The following C20orf203 variants were observed in gnomAD, a reference collection of about 807,000 sequenced individuals.
C20orf203 encodes the protein chromosome 20 open reading frame 203, also known as uncharacterized protein C20orf203.
C20orf203 carries 16 observed loss-of-function variants against 15.9 expected under a neutral mutation model. The observed-to-expected ratio is 1.01, with a 90% CI of 0.68 to 1.53. The LOEUF is 1.53. Ranked by LOEUF, C20orf203 falls within the 40% of genes most tolerant of loss-of-function variation. The pLI is 0.00. For synonymous variants in C20orf203, 98 were observed against 97.2 expected, an observed-to-expected ratio of 1.01 and a Z score of -0.05; for missense variants, 263 against 247.5, an observed-to-expected ratio of 1.06 and a Z score of -0.42.
At chr20:32,641,404 C>T (rs1424585425) in intron 4 of C20orf203, among the ~76,000 whole-genome samples, 1 of 150,550 alleles carries the variant, frequency 6.6e-6, no homozygotes, top group African/African-American at 2.4e-5. Flanking sequence ...CACGTTTTGG[C>T]TGTTAGGAAT....
intron 1 of C20orf203, among the ~76,000 whole-genome samples, 183 bp from the exon 2 acceptor site, chr20:32,652,164 C>G (rs1422857285): frequency 1.3e-5 from 2 of 151,794 alleles, no homozygotes; most frequent in African/African-American, 4.8e-5. Flanking sequence ...CAAAAATTAG[C>G]TGGGTGTGGT....
chr20:32,641,961 T>G (rs1982293088), intron 4 of C20orf203, among the ~76,000 whole-genome samples: 1 of 152,102 alleles, frequency 6.6e-6, no homozygotes. Context: ...CCTCAGCCTC[T>G]TGAGTAGTTG....
In C20orf203 at chr20:32,643,570, G is replaced by A. The variant is rs376126347; in HGVS notation, c.*1178-2883C>T. 8.7e-5 allele frequency among the ~76,000 whole-genome samples: 13 copies of A among 150,186 alleles called. No individual in the cohort carries two copies. In the East Asian group the frequency reaches 1.2e-3, roughly 14 times the overall value. On this transcript the variant is annotated intron_variant, in intron 4 of 5. Transcript: ENST00000608990. ...GGGATGCTCTAGGAAAATAAAAAAGGGCACCATTGTCACATAGGCCTGGGT... is the reference window on the plus strand; with the variant it reads ...GGGATGCTCTAGGAAAATAAAAAAGAGCACCATTGTCACATAGGCCTGGGT...
At chr20:32,634,388 T>C (rs1256656986) in intron 5 of C20orf203, 118 bp from the exon 6 acceptor site, 1 of 395,180 alleles carries the variant, frequency 2.5e-6, no homozygotes, top group Admixed American at 4.4e-5. Context: ...TGCACGTTGT[T>C]CCTTACAGCT....
chr20:32,638,014 T>TTGTG (rs149169520), intron 5 of C20orf203, among the ~76,000 whole-genome samples: 11 of 149,988 alleles, frequency 7.3e-5, no homozygotes, highest in Admixed American at 6.0e-4. Context: ...GCATGTGTGC[T>TTGTG]TGTGTGTGTG....
At chr20:32,641,217 C>T (rs1268859373) in intron 4 of C20orf203, among the ~76,000 whole-genome samples, 2 of 151,486 alleles carry the variant, frequency 1.3e-5, no homozygotes, top group Non-Finnish European at 2.9e-5. Context: ...AGCCTTTAGT[C>T]CCAGCTACTA....
At chr20:32,652,677 A>T (rs905593420) in intron 1 of C20orf203, among the ~76,000 whole-genome samples, 2 of 151,984 alleles carry the variant, frequency 1.3e-5, no homozygotes, top group Non-Finnish European at 2.9e-5. Flanking sequence ...GCATGAATAC[A>T]TTCACGTCCA....
intron 1 of C20orf203, chr20:32,656,806 G>A (rs1240256845): frequency 2.7e-5 from 4 of 146,424 alleles, no homozygotes; most frequent in African/African-American, 1.0e-4. Flanking sequence ...AGAGGTTGCA[G>A]TGAGCCAAGA....
intron 1 of C20orf203, among the ~76,000 whole-genome samples, chr20:32,667,804 G>A (rs754632169): frequency 3.9e-5 from 6 of 152,052 alleles, no homozygotes; most frequent in East Asian, 1.9e-4. Context: ...TTGAGTAGCC[G>A]GGACTACAGG....
chr20:32,667,256 C>T (rs1266841000), intron 1 of C20orf203, among the ~76,000 whole-genome samples: 2 of 152,126 alleles, frequency 1.3e-5, no homozygotes, highest in South Asian at 4.1e-4. Flanking sequence ...GGGCTTTAAG[C>T]AGGGGCATCA....
At chr20:32,634,294 C>T in intron 5 of C20orf203, 24 bp from the exon 6 acceptor site, 1 of 398,358 alleles carries the variant, frequency 2.5e-6, no homozygotes, top group African/African-American at 2.1e-5. Flanking sequence ...AAAGAATTAG[C>T]AAGACAGGCA....
At chr20:32,641,920 C>T (rs973383229) in intron 4 of C20orf203, among the ~76,000 whole-genome samples, 1 of 152,166 alleles carries the variant, frequency 6.6e-6, no homozygotes, top group Non-Finnish European at 1.5e-5. Context: ...TCAGTGCAAC[C>T]TCCACCTCCC....
intron 4 of C20orf203, among the ~76,000 whole-genome samples, chr20:32,646,223 T>C (rs1982428753): frequency 6.6e-6 from 1 of 151,264 alleles, no homozygotes; most frequent in Admixed American, 6.6e-5. Flanking sequence ...TCGATCTTTT[T>C]GTTGAGACAG....
chr20:32,637,530 C>T (rs780144823), intron 5 of C20orf203, among the ~76,000 whole-genome samples: 1 of 152,192 alleles, frequency 6.6e-6, no homozygotes, highest in Non-Finnish European at 1.5e-5. Flanking sequence ...TCCCTGACTG[C>T]CATCTCAGAT....
At chr20:32,646,053 G>A (rs1982418029) in intron 4 of C20orf203, among the ~76,000 whole-genome samples, 1 of 152,104 alleles carries the variant, frequency 6.6e-6, no homozygotes, top group Non-Finnish European at 1.5e-5. Flanking sequence ...AAGTTGTGTG[G>A]CCTTGGGTGA....
intron 2 of C20orf203, among the ~76,000 whole-genome samples, chr20:32,651,389 A>G (rs1053697642): frequency 1.2e-4 from 19 of 152,058 alleles, no homozygotes; most frequent in African/African-American, 4.1e-4. Context: ...GGAGCAAATG[A>G]TCTCTGAGCC....
intron 4 of C20orf203, among the ~76,000 whole-genome samples, chr20:32,647,628 C>T (rs1200656767): frequency 2.6e-5 from 4 of 151,980 alleles, no homozygotes; most frequent in Admixed American, 2.6e-4. Flanking sequence ...TTGCTTGAGC[C>T]CAGGAGATTG....
chr20:32,661,724 C>T (rs1457363556), intron 1 of C20orf203, among the ~76,000 whole-genome samples: 4 of 152,056 alleles, frequency 2.6e-5, no homozygotes, highest in Non-Finnish European at 5.9e-5. Context: ...GACTACTGGA[C>T]GGTCAGCAAG....
At chr20:32,653,024 T>A (rs935738787) in intron 1 of C20orf203, among the ~76,000 whole-genome samples, 4 of 152,160 alleles carry the variant, frequency 2.6e-5, no homozygotes, top group Non-Finnish European at 4.4e-5. Flanking sequence ...CAGCAGCTCC[T>A]GGAAAATAGG....
Sources: gnomAD v4.1 joint callset for allele counts (sites outside exome capture counted in the v4.1 genomes callset) on GRCh38, gnomAD v4.1.1 for gene constraint, MANE v1.5 for transcripts, NCBI Gene and HGNC (gene_info 2026-07-23, HGNC 2026-07-21) for gene names.